The following ULK4 variants were observed in gnomAD, a reference collection of about 807,000 sequenced individuals.
The protein encoded by ULK4 is unc-51 like kinase 4, also known as inactive serine/threonine-protein kinase ULK4.
A neutral mutation model predicts 160.6 loss-of-function variants in ULK4; 133 were observed. That is an observed-to-expected ratio of 0.83 (90% CI 0.72 to 0.96). The LOEUF (loss-of-function observed/expected upper bound fraction) is 0.96. Ranked by LOEUF, ULK4 falls within the 40% of genes least tolerant of loss-of-function variation. ULK4 has a pLI of 0.00. For missense variants in ULK4, 1,580 were observed against 1,499.5 expected (o/e 1.05, Z -0.89); for synonymous variants, 534 against 539.8 (o/e 0.99, Z 0.15).
At chr3:41,935,972 A>C (rs73071203) in intron 3 of ULK4, 32 bp from the exon 4 acceptor site, 220,953 of 1,584,574 alleles carry the variant, frequency 0.14, 16,218 homozygotes, top group Middle Eastern at 0.22. Flanking sequence ...CACCCATTTC[A>C]ACCCCCTACC....
intron 17 of ULK4, among the ~76,000 whole-genome samples, chr3:41,846,805 T>A (rs61193580): frequency 9.5e-6 from 1 of 104,964 alleles, no homozygotes; most frequent in African/African-American, 3.1e-5. Flanking sequence ...ACTCTCTCTC[T>A]CAAAAAAAAA....
chr3:41,281,181 G>C (rs1261573501), intron 35 of ULK4, among the ~76,000 whole-genome samples: 2 of 152,126 alleles, frequency 1.3e-5, no homozygotes, highest in East Asian at 3.8e-4. Flanking sequence ...ACCAAAGAAA[G>C]TCCAGGACCA....
chr3:41,271,020 T>A (rs2079128656), intron 35 of ULK4, among the ~76,000 whole-genome samples: 1 of 152,254 alleles, frequency 6.6e-6, no homozygotes, highest in Non-Finnish European at 1.5e-5. Flanking sequence ...GTCCTTTTTC[T>A]ATGTCTTTCT....
chr3:41,956,839 T>C (rs1421677026), intron 1 of ULK4, among the ~76,000 whole-genome samples: 2 of 152,248 alleles, frequency 1.3e-5, no homozygotes, highest in Middle Eastern at 3.2e-3. Context: ...AACTGCTATA[T>C]ATTGCCTATG....
At chr3:41,507,626 A>C (rs1262786253) in intron 32 of ULK4, among the ~76,000 whole-genome samples, 2 of 151,410 alleles carry the variant, frequency 1.3e-5, no homozygotes, top group African/African-American at 4.8e-5. Context: ...AAAAAAAAAA[A>C]AAAAAAAAAA....
At chr3:41,671,724 A>T (rs1446027948) in intron 29 of ULK4, among the ~76,000 whole-genome samples, 1 of 152,156 alleles carries the variant, frequency 6.6e-6, no homozygotes, top group Non-Finnish European at 1.5e-5. Flanking sequence ...GACAAATGGG[A>T]CTATATTAAA....
intron 34 of ULK4, among the ~76,000 whole-genome samples, chr3:41,454,311 A>G (rs7609657): frequency 0.99 from 149,729 of 150,482 alleles, 74,496 homozygotes; most frequent in Middle Eastern, 1. Context: ...AGGCCAAGGC[A>G]GGCGGATCAC....
chr3:41,349,098 TG>T (rs1245974025), intron 35 of ULK4, among the ~76,000 whole-genome samples: 2 of 152,196 alleles, frequency 1.3e-5, no homozygotes, highest in Non-Finnish European at 2.9e-5. Flanking sequence ...TGAGCACATC[TG>T]GAAGACCAGA....
intron 32 of ULK4, among the ~76,000 whole-genome samples, chr3:41,467,314 G>A (rs529982143): frequency 2.9e-4 from 44 of 152,274 alleles, no homozygotes; most frequent in Admixed American, 1.2e-3. Context: ...GATCACTTGA[G>A]GCAGGAATTC....
chr3:41,775,495 T>C (rs2039578211), intron 21 of ULK4, among the ~76,000 whole-genome samples: 1 of 149,770 alleles, frequency 6.7e-6, no homozygotes, highest in Non-Finnish European at 1.5e-5. Flanking sequence ...ACCTCCCAGT[T>C]TCAAGCGATT....
chr3:41,662,245 C>T (rs1575543167), intron 30 of ULK4, among the ~76,000 whole-genome samples: 1 of 152,202 alleles, frequency 6.6e-6, no homozygotes, highest in African/African-American at 2.4e-5. Context: ...GAAGCAAACA[C>T]TTTGCTTCCA....
chr3:41,534,708 A>G (rs2086435874), intron 32 of ULK4, among the ~76,000 whole-genome samples: 2 of 152,272 alleles, frequency 1.3e-5, no homozygotes, highest in Non-Finnish European at 1.5e-5. Flanking sequence ...CATAAGGACC[A>G]TAATTATTTT....
intron 29 of ULK4, among the ~76,000 whole-genome samples, chr3:41,681,046 C>T (rs2035906271): frequency 6.6e-6 from 1 of 152,148 alleles, no homozygotes; most frequent in South Asian, 2.1e-4. Flanking sequence ...CCTGTTCCGC[C>T]ACCTCCACCC....
chr3:41,503,340 C>A (rs1193243052), intron 32 of ULK4, among the ~76,000 whole-genome samples: 1 of 152,222 alleles, frequency 6.6e-6, no homozygotes, highest in Non-Finnish European at 1.5e-5. Flanking sequence ...TAAGGTCTAA[C>A]TGGTGACCCC....
At chr3:41,925,500 G>C (rs1342318644) in intron 5 of ULK4, among the ~76,000 whole-genome samples, 2 of 152,168 alleles carry the variant, frequency 1.3e-5, no homozygotes, top group Non-Finnish European at 2.9e-5. Flanking sequence ...ACCAAGCTAG[G>C]TGCAGGAGTT....
intron 18 of ULK4, among the ~76,000 whole-genome samples, chr3:41,828,617 T>A (rs2041456480): frequency 6.8e-6 from 1 of 146,002 alleles, no homozygotes; most frequent in South Asian, 2.2e-4. Context: ...CAAGGAGAAC[T>A]AGAAACCAAT....
chr3:41,867,023 T>C (rs894836044), intron 17 of ULK4, among the ~76,000 whole-genome samples: 4 of 152,214 alleles, frequency 2.6e-5, no homozygotes, highest in Non-Finnish European at 4.4e-5. Context: ...AAAAATCTTA[T>C]GCAATTTATC....
At chr3:41,329,759 T>C (rs1206633600) in intron 35 of ULK4, among the ~76,000 whole-genome samples, 1 of 152,190 alleles carries the variant, frequency 6.6e-6, no homozygotes, top group Admixed American at 6.5e-5. Context: ...AAGTTTTCAC[T>C]AATACAAGGT....
intron 16 of ULK4, 77 bp downstream of exon 16, chr3:41,895,441 G>T (rs1698119965): frequency 1.2e-5 from 10 of 825,380 alleles, no homozygotes; most frequent in Non-Finnish European, 1.8e-5. Flanking sequence ...TTAGGACTCT[G>T]CTTTTGATAA....
Sources: allele counts gnomAD v4.1 joint callset (sites outside exome capture counted in the v4.1 genomes callset), GRCh38; gene constraint gnomAD v4.1.1; transcripts MANE v1.5; gene names NCBI Gene and HGNC (gene_info 2026-07-23, HGNC 2026-07-21).